PTPRK: variants seen among roughly 807,000 people sequenced by gnomAD.
PTPRK encodes receptor-type tyrosine-protein phosphatase kappa.
A neutral mutation model predicts 178.0 loss-of-function variants in PTPRK; 75 were observed. That is an observed-to-expected ratio of 0.42 (90% CI 0.35 to 0.51). The LOEUF (loss-of-function observed/expected upper bound fraction) is 0.51. Ranked by LOEUF, PTPRK falls within the 20% of genes least tolerant of loss-of-function variation. The pLI, the probability that PTPRK is intolerant of heterozygous loss-of-function variation, is 0.02. For synonymous variants in PTPRK, 637 were observed against 620.6 expected (o/e 1.03, Z -0.39); for missense variants, 1,441 against 1,797.8 (o/e 0.80, Z 3.59).
At chr6:128,205,776 C>CAAAAAAAAA (rs1182968829) in intron 6 of PTPRK, among the ~76,000 whole-genome samples, 1 of 43,136 alleles carries the variant, frequency 2.3e-5, no homozygotes, top group Non-Finnish European at 3.7e-5. Context: ...GCATCACAGA[C>CAAAAAAAAA]CAAAAAAAAA....
At chr6:128,048,853 T>G (rs1360177073) in intron 13 of PTPRK, among the ~76,000 whole-genome samples, 1 of 152,230 alleles carries the variant, frequency 6.6e-6, no homozygotes, top group African/African-American at 2.4e-5. Flanking sequence ...TACTAAGGAA[T>G]GACTGTACTT....
chr6:128,450,995 C>A (rs1388361704), intron 1 of PTPRK, among the ~76,000 whole-genome samples: 1 of 151,998 alleles, frequency 6.6e-6, no homozygotes, highest in Non-Finnish European at 1.5e-5. Flanking sequence ...GTGGTCATGA[C>A]CAACGTTTAA....
chr6:128,064,739 A>T lies in PTPRK; in HGVS notation c.2194+19T>A, dbSNP rs1278451028. On this transcript the variant is annotated intron_variant, in intron 13 of 29. Transcript: ENST00000368226. Reference sequence around the variant, plus strand: ...GGGGTGAGAGTAGTTAAAACAAGCAAAAAAAGCAAACCTCTTACCTTTTGT... The same window carrying T: ...GGGGTGAGAGTAGTTAAAACAAGCATAAAAAGCAAACCTCTTACCTTTTGT... 1 of 1,584,144 alleles carries T rather than the reference A, an allele frequency of 6.3e-7. No individual in the cohort carries two copies. The highest frequency in any genetic ancestry group is 2.0e-5 in the Admixed American group (1 of 51,034).
intron 5 of PTPRK, among the ~76,000 whole-genome samples, chr6:128,226,992 C>T (rs937381010): frequency 5.9e-5 from 9 of 151,868 alleles, no homozygotes; most frequent in Middle Eastern, 3.4e-3. Context: ...TACTTATAAC[C>T]TCTCTTGCCA....
rs1852464637 is a variant in PTPRK at position 128,484,019 on chromosome 6, TC to T, written c.100+36239del. 3.3e-5 allele frequency among the ~76,000 whole-genome samples: 5 copies of T among 152,160 alleles called. No homozygotes were observed. In the South Asian group the frequency reaches 8.3e-4, roughly 25 times the overall value. On this transcript the variant is annotated intron_variant, in intron 1 of 29. Coordinates refer to ENST00000368226, the MANE Select transcript of PTPRK (RefSeq NM_002844.4). ...CCCCTCTTCGTGGTTCTGTTATGCA[TC>T]CCTGGTTTCCCTTAATTCCTCAGAA...
chr6:128,196,976 A>T (rs1378013060), intron 6 of PTPRK, among the ~76,000 whole-genome samples: 2 of 152,150 alleles, frequency 1.3e-5, no homozygotes, highest in Non-Finnish European at 2.9e-5. Flanking sequence ...CAGTGGATGT[A>T]AGACGAATAA....
intron 1 of PTPRK, chr6:128,518,972 A>C (rs1190454136): frequency 2.1e-6 from 1 of 487,478 alleles, no homozygotes; most frequent in Non-Finnish European, 4.2e-6. Context: ...CAGGGCCTCC[A>C]CAACAACGTG....
intron 1 of PTPRK, among the ~76,000 whole-genome samples, chr6:128,464,068 A>G (rs891383449): frequency 6.6e-6 from 1 of 152,170 alleles, no homozygotes; most frequent in Non-Finnish European, 1.5e-5. Context: ...CTTTACTTTT[A>G]AATAAATGAT....
chr6:128,018,755 C>G (rs1254800121), intron 13 of PTPRK, among the ~76,000 whole-genome samples: 1 of 151,978 alleles, frequency 6.6e-6, no homozygotes, highest in African/African-American at 2.4e-5. Flanking sequence ...CTTTCTAAAT[C>G]TAGATTTCTG....
intron 1 of PTPRK, 78 bp from the exon 2 acceptor site, chr6:128,397,766 A>G (rs1223666239): frequency 3.0e-6 from 4 of 1,352,486 alleles, no homozygotes; most frequent in Non-Finnish European, 4.2e-6. Context: ...AGGAAATGTT[A>G]TATTGATATA....
intron 2 of PTPRK, among the ~76,000 whole-genome samples, chr6:128,338,203 G>A (rs1417535093): frequency 6.6e-6 from 1 of 152,080 alleles, no homozygotes; most frequent in Non-Finnish European, 1.5e-5. Context: ...AATAGGTATG[G>A]GAGACCAGGA....
intron 7 of PTPRK, among the ~76,000 whole-genome samples, chr6:128,154,991 T>C (rs185380232): frequency 6.6e-6 from 1 of 151,952 alleles, no homozygotes; most frequent in East Asian, 1.9e-4. Flanking sequence ...CTTTAATCTG[T>C]AAGTCCTTTC....
intron 6 of PTPRK, among the ~76,000 whole-genome samples, chr6:128,216,343 T>G (rs890061291): frequency 1.3e-5 from 2 of 152,038 alleles, no homozygotes; most frequent in African/African-American, 4.8e-5. Flanking sequence ...AAGACCAGTC[T>G]GGCCAACATG....
intron 15 of PTPRK, chr6:128,004,829 G>C (rs1204036143): frequency 8.0e-6 from 3 of 373,196 alleles, no homozygotes; most frequent in Non-Finnish European, 1.5e-5. Context: ...GCTATGGACT[G>C]AGTGGTATAT....
chr6:128,285,641 C>T lies in PTPRK; in HGVS notation c.495+36398G>A, dbSNP rs533530791. The stretch of plus-strand genomic sequence containing the variant: ...CTGGCTTGGTGAAACTCCATCTTTA[C>T]TAAAAATACAAAAATTAGCTGAGCA... On this transcript the variant is annotated intron_variant, in intron 3 of 29. Coordinates refer to ENST00000368226, the MANE Select transcript of PTPRK (RefSeq NM_002844.4). 7.2e-5 allele frequency among the ~76,000 whole-genome samples: 11 copies of T among 152,006 alleles called. No individual in the cohort carries two copies. In the South Asian group the frequency reaches 2.3e-3, roughly 32 times the overall value.
chr6:128,316,759 C>T (rs1828052640), intron 3 of PTPRK, among the ~76,000 whole-genome samples: 1 of 150,462 alleles, frequency 6.6e-6, no homozygotes, highest in Non-Finnish European at 1.5e-5. Context: ...ACGCTGTCGC[C>T]CAGGCTGGAG....
At chr6:128,380,553 CGTGTGT>C (rs1554246048) in intron 2 of PTPRK, among the ~76,000 whole-genome samples, 345 of 146,364 alleles carry the variant, frequency 2.4e-3, no homozygotes, top group Admixed American at 4.0e-3. Context: ...CACACACACA[CGTGTGT>C]GTGTGTGTGT....
chr6:128,184,438 A>G lies in PTPRK; in HGVS notation c.1156T>C (p.Cys386Arg). ...GTCTGCTACTCAGTCTTACCTGCACATTTTGTTCTGGTGATTAGTGGAGGT... is the reference window on the plus strand; with the variant it reads ...GTCTGCTACTCAGTCTTACCTGCACGTTTTGTTCTGGTGATTAGTGGAGGT... ...PGPPLITRTK[C>R]AEPMRTPKTL... Residue 386 changes from cysteine (C) to arginine (R), a missense_variant, in exon 7 of 30, where the codon TGT (cysteine) becomes CGT (arginine). Cys to Arg is a radical substitution (Grantham distance 180). Around this residue, in one of 4 missense-constraint regions of PTPRK, gnomAD observed 945 missense variants for 1,080.6 expected, o/e 0.87. Transcript: ENST00000368226. 1 of 1,613,352 alleles carries G rather than the reference A, an allele frequency of 6.2e-7. No individual in the cohort carries two copies. Among genetic ancestry groups the G allele is most frequent in the Non-Finnish European group, 8.5e-7 (1 of 1,179,636 alleles).
At chr6:128,368,177 G>A (rs1835784550) in intron 2 of PTPRK, among the ~76,000 whole-genome samples, 1 of 151,980 alleles carries the variant, frequency 6.6e-6, no homozygotes, top group African/African-American at 2.4e-5. Flanking sequence ...CACACACAGG[G>A]ACAACAGAAA....
Sources: gnomAD v4.1 joint callset for allele counts (sites outside exome capture counted in the v4.1 genomes callset) on GRCh38, gnomAD v4.1.1 for gene constraint, gnomAD v4.1.1 regional missense constraint, MANE v1.5 for transcripts, NCBI Gene and HGNC (gene_info 2026-07-23, HGNC 2026-07-21) for gene names.